The following OR4K17 variants were observed in gnomAD, a reference collection of about 807,000 sequenced individuals.
OR4K17 encodes olfactory receptor family 4 subfamily K member 17.
For synonymous variants in OR4K17, 157 were observed against 132.8 expected, an observed-to-expected ratio of 1.18 and a Z score of -1.25; for missense variants, 480 against 366.3, an observed-to-expected ratio of 1.31 and a Z score of -2.53.
In OR4K17 at chr14:20,117,902, A is replaced by G; in HGVS notation, c.403A>G (p.Ile135Val). The stretch of plus-strand genomic sequence containing the variant: ...TTGTAAGCCCCTACACTACATGACC[A>G]TCATGAACAAGAAGGTATGTGTTTT... ...AICKPLHYMT[I>V]MNKKVCVLLV... The change falls in exon 2 of 2, where the codon ATC becomes GTC. Residue 135 changes from isoleucine (I) to valine (V), a missense_variant. Ile to Val is a conservative substitution (Grantham distance 29). Coordinates refer to ENST00000641386, the MANE Select transcript of OR4K17 (RefSeq NM_001004715.5). 2 of 1,614,072 alleles carry G rather than the reference A, an allele frequency of 1.2e-6. No homozygotes were observed. The highest frequency in any genetic ancestry group is 1.7e-6 in the Non-Finnish European group (2 of 1,180,010).
chr14:20,114,805 T>C (rs1436974316), intron 1 of OR4K17, among the ~76,000 whole-genome samples: 2 of 152,118 alleles, frequency 1.3e-5, no homozygotes, highest in African/African-American at 4.8e-5. Context: ...CACTCATCAC[T>C]ATCACAGCTA....
chr14:20,118,570 C>T lies in OR4K17; in HGVS notation c.*132C>T. 2 of 597,818 alleles carry T rather than the reference C, an allele frequency of 3.3e-6. No individual in the cohort carries two copies. Among genetic ancestry groups the T allele is most frequent in the Non-Finnish European group, 2.9e-6 (1 of 346,710 alleles). 37.0% of individuals were successfully genotyped at this position (597,818 alleles called of 1,614,324 possible). ...CTTTTCTATTTTCCCTAAGTGTTGA[C>T]TGGTCTGAGAAATAAAGGGAAAGAA... On this transcript the variant is annotated 3_prime_UTR_variant, in exon 2 of 2. Transcript: ENST00000641386.
Position 20,118,205 on chromosome 14 carries a change from G to T in OR4K17, c.706G>T (p.Ala236Ser), listed in dbSNP as rs2139057408. ...CCACTCTCCTACTGGGCAATCTAAA[G>T]CCCGTTCCACTTTGACTGCTCACAT... The part of the protein sequence containing the change: ...KNHSPTGQSK[A>S]RSTLTAHITV... The change falls in exon 2 of 2, where the codon GCC (alanine) becomes TCC (serine). Residue 236 changes from alanine to serine, a missense_variant. Coordinates refer to ENST00000641386, the MANE Select transcript of OR4K17 (RefSeq NM_001004715.5). 1 of 1,613,970 alleles carries T rather than the reference G, an allele frequency of 6.2e-7. No individual in the cohort carries two copies. The highest frequency in any genetic ancestry group is 1.3e-5 in the African/African-American group (1 of 75,030).
Position 20,117,723 on chromosome 14 carries a change from C to A in OR4K17, c.224C>A (p.Ser75Tyr). 7 of 1,614,018 alleles carry A rather than the reference C, an allele frequency of 4.3e-6. No homozygotes were observed. The highest frequency in any genetic ancestry group is 5.9e-6 in the Non-Finnish European group (7 of 1,179,952). Residue 75 changes from serine to tyrosine, a missense_variant, in exon 2 of 2, where the codon TCT becomes TAT. Coordinates refer to ENST00000641386, the MANE Select transcript of OR4K17 (RefSeq NM_001004715.5). ...TCTTTTGTAGATATGACCCTTGCTT[C>A]TTTTGCCACCCCTAAGGTGATTCTG... ...NLSFVDMTLA[S>Y]FATPKVILNL...
intron 1 of OR4K17, 69 bp from the exon 2 acceptor site, chr14:20,117,399 T>A: frequency 6.4e-7 from 1 of 1,567,698 alleles, no homozygotes. Context: ...ATAAGTTTGG[T>A]TTTTCATATG....
Position 20,118,535 on chromosome 14 carries a change from A to G in OR4K17, c.*97A>G, listed in dbSNP as rs759907736. On this transcript the variant is annotated 3_prime_UTR_variant, in exon 2 of 2. Coordinates refer to ENST00000641386, the MANE Select transcript of OR4K17 (RefSeq NM_001004715.5). ...CAGGGGAACCAGCCCCCAATATTTC[A>G]ACATAGGTTCTTTTCTATTTTCCCT... The G allele has an allele frequency of 8.4e-4, 567 of 674,718 alleles. 1 individual carries two copies. The highest frequency in any genetic ancestry group is 1.7e-3 in the Middle Eastern group (4 of 2,396). 41.8% of individuals were successfully genotyped at this position (674,718 alleles called of 1,614,324 possible).
rs1426502077 is a variant in OR4K17 at position 20,118,675 on chromosome 14, G to T, written c.*237G>T. 2 of 322,574 alleles carry T rather than the reference G, an allele frequency of 6.2e-6. No individual in the cohort carries two copies. The highest frequency in any genetic ancestry group is 1.1e-5 in the Non-Finnish European group (2 of 175,852). 20.0% of individuals were successfully genotyped at this position (322,574 alleles called of 1,614,324 possible). ...CGGGTTCCGTGATGCCCCCCAAGCT[G>T]CAAAACCAGCAAGTTTTTATTATGG... On this transcript the variant is annotated 3_prime_UTR_variant, in exon 2 of 2. Coordinates refer to ENST00000641386, the MANE Select transcript of OR4K17 (RefSeq NM_001004715.5).
chr14:20,111,833 C>T (rs1419052640), intron 1 of OR4K17: 1 of 152,090 alleles, frequency 6.6e-6, no homozygotes, highest in East Asian at 1.9e-4. Context: ...TAGGATTCAG[C>T]TTTACTCCAA....
rs1340532181 is a variant in OR4K17 at position 20,121,576 on chromosome 14, G to A, written c.*3138G>A. 2.6e-5 allele frequency: 4 copies of A among 152,002 alleles called. No homozygotes were observed. The highest frequency in any genetic ancestry group is 5.9e-5 in the Non-Finnish European group (4 of 67,994). 9.4% of individuals were successfully genotyped at this position (152,002 alleles called of 1,614,324 possible). On this transcript the variant is annotated 3_prime_UTR_variant, in exon 2 of 2. Transcript: ENST00000641386. ...AAATAGTCTATGATAACCATAAGAT[G>A]TGTTATGTAAGCCTTATGGTAACTA...
rs372021676 is a variant in OR4K17, at chr14:20,117,558, C to A, written c.59C>A (p.Ser20Tyr). The A allele has an allele frequency of 3.1e-6, 5 of 1,613,696 alleles. No individual in the cohort carries two copies. The African/African-American group carries it at 6.7e-5, about 22-fold the overall frequency. The change falls in exon 2 of 2, where the codon TCC (serine) becomes TAC (tyrosine). Residue 20 changes from serine (S) to tyrosine (Y), a missense_variant. Coordinates refer to ENST00000641386, the MANE Select transcript of OR4K17 (RefSeq NM_001004715.5). ...TTCATTTTGCTGGGACTGACCAGCT[C>A]CCAGGATGTAGAGTTTCTTCTCTTT... ...SEFILLGLTSSQDVEFLLFAL... is the reference protein window; with the variant it reads ...SEFILLGLTSYQDVEFLLFAL...
In OR4K17 at chr14:20,118,291, C is replaced by G. The variant is rs764117202; in HGVS notation, c.792C>G (p.Asn264Lys). 1 of 1,613,916 alleles carries G rather than the reference C, an allele frequency of 6.2e-7. No individual in the cohort carries two copies. The highest frequency in any genetic ancestry group is 1.1e-5 in the South Asian group (1 of 91,082). ...CIFIYIWPFG[N>K]HSVDKFLAVF... ...TTATCTACATTTGGCCCTTCGGCAACCACTCTGTAGATAAGTTCCTTGCTG... is the reference window on the plus strand; with the variant it reads ...TTATCTACATTTGGCCCTTCGGCAAGCACTCTGTAGATAAGTTCCTTGCTG... The change falls in exon 2 of 2, where the codon AAC (asparagine) becomes AAG (lysine). Residue 264 changes from asparagine to lysine, a missense_variant. Asn to Lys is a moderately conservative substitution (Grantham distance 94). Coordinates refer to ENST00000641386, the MANE Select transcript of OR4K17 (RefSeq NM_001004715.5).
chr14:20,116,102 T>C (rs1417639810), intron 1 of OR4K17, among the ~76,000 whole-genome samples: 2 of 152,098 alleles, frequency 1.3e-5, no homozygotes, highest in East Asian at 1.9e-4. Context: ...GTTTTACCAA[T>C]CGTGAAACTG....
At chr14:20,116,215 C>G (rs1449574188) in intron 1 of OR4K17, among the ~76,000 whole-genome samples, 1 of 152,092 alleles carries the variant, frequency 6.6e-6, no homozygotes, top group Non-Finnish European at 1.5e-5. Context: ...CCTACTGATT[C>G]TTCTCACATT....
chr14:20,114,317 A>G (rs181277358), intron 1 of OR4K17, among the ~76,000 whole-genome samples: 1 of 152,086 alleles, frequency 6.6e-6, no homozygotes, highest in East Asian at 1.9e-4. Context: ...AAATTCATGC[A>G]TATTTTCTCC....
rs778579186 is a variant in OR4K17 at position 20,117,926 on chromosome 14, T to C, written c.427T>C (p.Leu143=). ...MTIMNKKVCV[L]LVVTSWLLGL... ...CATCATGAACAAGAAGGTATGTGTTTTGCTTGTAGTGACCTCATGGCTCTT... is the reference window on the plus strand; with the variant it reads ...CATCATGAACAAGAAGGTATGTGTTCTGCTTGTAGTGACCTCATGGCTCTT... The change falls in exon 2 of 2, where the codon TTG becomes CTG. Residue 143 remains leucine, a synonymous_variant. Coordinates refer to ENST00000641386, the MANE Select transcript of OR4K17 (RefSeq NM_001004715.5). The C allele has an allele frequency of 2.3e-5, 37 of 1,613,994 alleles. 1 individual carries two copies. The South Asian group carries it at 4.0e-4, about 17-fold the overall frequency.
At position 20,121,127 on chromosome 14, in the gene OR4K17, G is replaced by T. The variant is rs984055962; in HGVS notation, c.*2689G>T. 6.6e-6 allele frequency: 1 copy of T among 152,222 alleles called. No individual in the cohort carries two copies. The highest frequency in any genetic ancestry group is 1.5e-5 in the Non-Finnish European group (1 of 68,084). The allele number at this position is 152,222 out of a possible 1,614,324, so 9.4% of individuals were successfully genotyped here. On this transcript the variant is annotated 3_prime_UTR_variant, in exon 2 of 2. Coordinates refer to ENST00000641386, the MANE Select transcript of OR4K17 (RefSeq NM_001004715.5). ...TTCTGTACTGAAACCAGCCTGTGAA[G>T]TCTGGAAGAGATGACTGCTCCAACA...
chr14:20,121,794 T>C lies in OR4K17; in HGVS notation c.*3356T>C, dbSNP rs1878177094. On this transcript the variant is annotated 3_prime_UTR_variant, in exon 2 of 2. Coordinates refer to ENST00000641386, the MANE Select transcript of OR4K17 (RefSeq NM_001004715.5). ...TGGAGGTACTAAGCACAGTCAGTTTTCTGGCATATCCATAGGTTTTACATT... is the reference window on the plus strand; with the variant it reads ...TGGAGGTACTAAGCACAGTCAGTTTCCTGGCATATCCATAGGTTTTACATT... 6.6e-6 allele frequency: 1 copy of C among 152,124 alleles called. No individual in the cohort carries two copies. The highest frequency in any genetic ancestry group is 6.5e-5 in the Admixed American group (1 of 15,268). 9.4% of individuals were successfully genotyped at this position (152,124 alleles called of 1,614,324 possible).
At chr14:20,111,181 G>C (rs1323816679) in intron 1 of OR4K17, among the ~76,000 whole-genome samples, 2 of 151,950 alleles carry the variant, frequency 1.3e-5, no homozygotes, top group African/African-American at 2.4e-5. Flanking sequence ...ATGACACTGA[G>C]GCTTAAGTAT....
In OR4K17 at chr14:20,117,564, A is replaced by T. The variant is rs774786932; in HGVS notation, c.65A>T (p.Asp22Val). Residue 22 changes from aspartate to valine, a missense_variant, in exon 2 of 2, where the codon GAT becomes GTT. Transcript: ENST00000641386. Reference protein sequence around the residue: ...FILLGLTSSQDVEFLLFALFS... With the variant: ...FILLGLTSSQVVEFLLFALFS... ...TTGCTGGGACTGACCAGCTCCCAGG[A>T]TGTAGAGTTTCTTCTCTTTGCCCTC... 5.6e-6 allele frequency: 9 copies of T among 1,613,888 alleles called. No individual in the cohort carries two copies. The highest frequency in any genetic ancestry group is 6.8e-6 in the Non-Finnish European group (8 of 1,179,988).
Sources: gnomAD v4.1 joint callset for allele counts (sites outside exome capture counted in the v4.1 genomes callset) on GRCh38, gnomAD v4.1.1 for gene constraint, MANE v1.5 for transcripts, NCBI Gene and HGNC (gene_info 2026-07-23, HGNC 2026-07-21) for gene names.